Variants in KRT75 observed in about 807,000 individuals in gnomAD.
KRT75 encodes keratin 75.
Under a neutral mutation model 48.8 loss-of-function variants are expected in KRT75, and 35 were observed. The observed-to-expected ratio is 0.72, with a 90% CI of 0.55 to 0.95. The LOEUF (loss-of-function observed/expected upper bound fraction) is 0.95, where lower values mean the gene tolerates loss of function less well. KRT75 is among the 40% of genes least tolerant of loss of function. KRT75 has a pLI of 0.00. For missense variants in KRT75, 776 were observed against 709.9 expected (o/e 1.09, Z -1.06); for synonymous variants, 301 against 282.3 (o/e 1.07, Z -0.66).
At chr12:52,428,786 G>A (rs1940107764) in intron 5 of KRT75, 43 bp from the exon 6 acceptor site, 1 of 1,612,738 alleles carries the variant, frequency 6.2e-7, no homozygotes, top group African/African-American at 1.3e-5. Flanking sequence ...TCAAATGCCT[G>A]GCCCAGGCAC....
chr12:52,424,614 C>A lies in KRT75; in HGVS notation c.1559G>T (p.Gly520Val). 6.2e-7 allele frequency: 1 copy of A among 1,614,154 alleles called. No homozygotes were observed. The highest frequency in any genetic ancestry group is 8.5e-7 in the Non-Finnish European group (1 of 1,180,014). ...GCCCCGGTTGCTGGTGGCACTGAAT[C>A]CAGAACCTCCCAGGCCTGCACCCAG... is the stretch of plus-strand genomic sequence containing the variant. The part of the protein sequence containing the change: ...HSLGAGLGGS[G>V]FSATSNRGLG... The change falls in exon 9 of 9, where the codon GGA becomes GTA. Residue 520 changes from glycine to valine, a missense_variant. Coordinates refer to ENST00000252245, the MANE Select transcript of KRT75 (RefSeq NM_004693.3).
intron 3 of KRT75, 56 bp downstream of exon 3, chr12:52,431,950 C>A (rs1940149965): frequency 1.3e-6 from 2 of 1,566,876 alleles, no homozygotes; most frequent in South Asian, 1.1e-5. Flanking sequence ...TCAGGTTACC[C>A]CACACTCCAG....
intron 1 of KRT75, among the ~76,000 whole-genome samples, 198 bp downstream of exon 1, chr12:52,433,609 G>A (rs74945098): frequency 3.3e-5 from 5 of 152,274 alleles, no homozygotes; most frequent in South Asian, 2.1e-4. Flanking sequence ...ATGTGGCTCC[G>A]AAAGAGAGGA....
rs2293639 is a variant in KRT75, at chr12:52,424,073, G to A, written c.*444C>T. On this transcript the variant is annotated 3_prime_UTR_variant, in exon 9 of 9. Transcript: ENST00000252245. ...AAACAGAGGGCCAGACACCAAACAG[G>A]TGACACATGCATTTAATAGACACAT... 28,574 of 272,620 alleles carry A rather than the reference G, an allele frequency of 0.1. 1,867 individuals are homozygous for A. The highest frequency in any genetic ancestry group is 0.2 in the Admixed American group (4,263 of 21,452). The allele number at this position is 272,620 out of a possible 1,614,324, so 16.9% of individuals were successfully genotyped here.
chr12:52,426,890 T>A, intron 7 of KRT75, 39 bp from the exon 8 acceptor site: 1 of 1,601,304 alleles, frequency 6.2e-7, no homozygotes, highest in Non-Finnish European at 8.6e-7. Flanking sequence ...GTTACCAATG[T>A]GGCCAGCAGC....
intron 3 of KRT75, 141 bp downstream of exon 3, chr12:52,431,865 A>T (rs906221168): frequency 7.0e-6 from 6 of 857,694 alleles, no homozygotes; most frequent in Middle Eastern, 2.2e-4. Flanking sequence ...TAGAGGGAAC[A>T]TGTTGGGAGG....
Position 52,430,724 on chromosome 12 carries a change from A to G in KRT75, c.871-19T>C. 4 of 1,614,040 alleles carry G rather than the reference A, an allele frequency of 2.5e-6. No individual in the cohort carries two copies. The highest frequency in any genetic ancestry group is 3.4e-6 in the Non-Finnish European group (4 of 1,179,902). On this transcript the variant is annotated intron_variant, in intron 4 of 8. Transcript: ENST00000252245. ...ACAGCTCCTGCAGGGCAGTAAACTC[A>G]GCATCACCAAGGCATAAGATGAAGA... is the stretch of plus-strand genomic sequence containing the variant.
intron 7 of KRT75, among the ~76,000 whole-genome samples, chr12:52,427,563 G>T: frequency 6.6e-6 from 1 of 152,176 alleles, no homozygotes; most frequent in East Asian, 1.9e-4. Context: ...AGATTCATCT[G>T]ACACCAAAGC....
rs747277106 is a variant in KRT75 at position 52,430,584 on chromosome 12, G to A, written c.992C>T (p.Ala331Val). 1 of 1,614,134 alleles carries A rather than the reference G, an allele frequency of 6.2e-7. No homozygotes were observed. The highest frequency in any genetic ancestry group is 2.2e-5 in the East Asian group (1 of 44,876). Residue 331 changes from alanine to valine, a missense_variant, in exon 5 of 9, where the codon GCC becomes GTC. Coordinates refer to ENST00000252245, the MANE Select transcript of KRT75 (RefSeq NM_004693.3). ...AEVKAQYEDI[A>V]NRSRAEAESW... ...CTCAGCCTCGGCCCGGCTGCGGTTG[G>A]CAATGTCCTCGTATTGTGCTTTGAC...
At chr12:52,432,564 T>C (rs888089909) in intron 2 of KRT75, among the ~76,000 whole-genome samples, 4 of 152,206 alleles carry the variant, frequency 2.6e-5, no homozygotes, top group African/African-American at 9.7e-5. Flanking sequence ...CCCTTTCCAC[T>C]GGATACCTCA....
At chr12:52,429,866 G>T (rs1197112475) in intron 5 of KRT75, among the ~76,000 whole-genome samples, 1 of 152,182 alleles carries the variant, frequency 6.6e-6, no homozygotes, top group African/African-American at 2.4e-5. Context: ...TGGGTCAATT[G>T]TACCCCGCAA....
In KRT75 at chr12:52,429,229, C is replaced by A. The variant is rs1030012837; in HGVS notation, c.1036-486G>T. ...TCAAGGTCCCTGGGTAGTTCCTGGT[C>A]ACAGAGCGTGCATCCAGACCAACTG... On this transcript the variant is annotated intron_variant, in intron 5 of 8. Coordinates refer to ENST00000252245, the MANE Select transcript of KRT75 (RefSeq NM_004693.3). Among the ~76,000 whole-genome samples, 11 of 152,124 alleles carry A rather than the reference C, an allele frequency of 7.2e-5. 1 individual carries two copies. Among genetic ancestry groups the A allele is most frequent in the Admixed American group, 5.9e-4 (9 of 15,280 alleles).
At chr12:52,432,786 C>A (rs1241607174) in intron 2 of KRT75, among the ~76,000 whole-genome samples, 1 of 152,162 alleles carries the variant, frequency 6.6e-6, no homozygotes, top group Admixed American at 6.5e-5. Context: ...GAGTGAGTAG[C>A]AATATTTTGT....
chr12:52,433,043 T>C lies in KRT75; in HGVS notation c.708A>G (p.Lys236=). Residue 236 remains lysine, a synonymous_variant, in exon 2 of 9, where the codon AAA becomes AAG. Coordinates refer to ENST00000252245, the MANE Select transcript of KRT75 (RefSeq NM_004693.3). ...GAAGCCAGTCTCCCACTTACCTGAC[T>C]TTGAAATCTTCCACAACATCCTGCA... is the stretch of plus-strand genomic sequence containing the variant. ...RNMQDVVEDF[K]VRYEDEINKR... 1 of 1,613,950 alleles carries C rather than the reference T, an allele frequency of 6.2e-7. No homozygotes were observed.
At chr12:52,430,830 C>T in intron 4 of KRT75, 125 bp from the exon 5 acceptor site, 1 of 1,059,074 alleles carries the variant, frequency 9.4e-7, no homozygotes, top group Non-Finnish European at 1.5e-6. Context: ...CCCAGCTATT[C>T]CCTAGGTATT....
intron 2 of KRT75, among the ~76,000 whole-genome samples, chr12:52,432,421 CTGTTTCGGGTAGAT>C (rs1304333677): frequency 3.9e-5 from 6 of 152,170 alleles, no homozygotes; most frequent in Non-Finnish European, 7.3e-5. Context: ...GTTCAGCAGG[CTGTTTCGGGTAGAT>C]TTTGATATAT....
chr12:52,429,775 G>A (rs1940119981), intron 5 of KRT75, among the ~76,000 whole-genome samples: 1 of 152,172 alleles, frequency 6.6e-6, no homozygotes, highest in Admixed American at 6.5e-5. Context: ...GCAACGTATG[G>A]AGCAGGGAAA....
intron 1 of KRT75, 150 bp downstream of exon 1, chr12:52,433,657 T>A: frequency 7.9e-7 from 1 of 1,269,926 alleles, no homozygotes; most frequent in South Asian, 1.4e-5. Flanking sequence ...CTGGCCTGAC[T>A]TGGAAGGGTC....
At chr12:52,429,138 G>C (rs1443928408) in intron 5 of KRT75, among the ~76,000 whole-genome samples, 8 of 152,156 alleles carry the variant, frequency 5.3e-5, no homozygotes, top group African/African-American at 1.4e-4. Flanking sequence ...AAAGGAAACA[G>C]CCTGCATGAA....
Sources: allele counts gnomAD v4.1 joint callset (sites outside exome capture counted in the v4.1 genomes callset), GRCh38; gene constraint gnomAD v4.1.1; transcripts MANE v1.5; gene names NCBI Gene and HGNC (gene_info 2026-07-23, HGNC 2026-07-21).